Variants in ABL2 observed in about 807,000 individuals in gnomAD.
ABL2 encodes the protein ABL proto-oncogene 2, non-receptor tyrosine kinase, also known as tyrosine-protein kinase ABL2.
Under a neutral mutation model 107.7 loss-of-function variants are expected in ABL2, and 49 were observed. The observed-to-expected ratio is 0.45, with a 90% CI of 0.36 to 0.58. The LOEUF (loss-of-function observed/expected upper bound fraction) is 0.58, where lower values mean the gene tolerates loss of function less well. Among genes scored for constraint, ABL2 ranks in the 20% least tolerant of loss-of-function variants. The probability of loss-of-function intolerance (pLI) is 0.00; values close to 1 mark genes in which losing one functional copy is unlikely to be tolerated. For missense variants in ABL2, 1,245 were observed against 1,457.0 expected (o/e 0.85, Z 2.37); for synonymous variants, 549 against 548.6 (o/e 1.00, Z -0.01).
In ABL2 at chr1:179,099,873, T is replaced by C. The variant is rs1652960112; in HGVS notation, c.*7845A>G. 1 of 232,488 alleles carries C rather than the reference T, an allele frequency of 4.3e-6. No individual in the cohort carries two copies. Among genetic ancestry groups the C allele is most frequent in the South Asian group, 1.8e-4 (1 of 5,526 alleles). 14.4% of individuals were successfully genotyped at this position (232,488 alleles called of 1,614,324 possible). A position where few individuals can be genotyped will look rare whatever the true frequency, so the allele number is the denominator to read the frequency against. ...GAAAAGTGCAGGGTCTGGGAGGAGA[T>C]GGAGGTTCTGAGTATACATCAACAG... On this transcript the variant is annotated 3_prime_UTR_variant, in exon 12 of 12. Coordinates refer to ENST00000502732, the MANE Select transcript of ABL2 (RefSeq NM_007314.4).
At chr1:179,171,379 G>GCTAGAA (rs1209103656) in intron 1 of ABL2, among the ~76,000 whole-genome samples, 1 of 152,096 alleles carries the variant, frequency 6.6e-6, no homozygotes, top group Non-Finnish European at 1.5e-5. Flanking sequence ...TAGAGATTTC[G>GCTAGAA]CTAGAACAAG....
chr1:179,128,446 T>C (rs564602465), intron 3 of ABL2, among the ~76,000 whole-genome samples: 1 of 152,286 alleles, frequency 6.6e-6, no homozygotes, highest in African/African-American at 2.4e-5. Flanking sequence ...TAGTACTTTG[T>C]ATATATATCT....
chr1:179,145,790 CA>C (rs1657943591), intron 1 of ABL2, among the ~76,000 whole-genome samples: 2 of 152,032 alleles, frequency 1.3e-5, no homozygotes, highest in Admixed American at 6.5e-5. Context: ...GTAAGGTAGA[CA>C]GGGGCTGGCC....
intron 2 of ABL2, among the ~76,000 whole-genome samples, chr1:179,132,220 T>C (rs1429003603): frequency 6.6e-6 from 1 of 152,202 alleles, no homozygotes; most frequent in Non-Finnish European, 1.5e-5. Context: ...CTAGAAAACA[T>C]TACTATCATC....
rs3046363 is a variant in ABL2 at position 179,229,632 on chromosome 1, A to ACGCCGCCGC, written c.-244_-236dup. On this transcript the variant is annotated 5_prime_UTR_variant, in exon 1 of 12. Transcript: ENST00000502732. The stretch of plus-strand genomic sequence containing the variant: ...CTCCTGTCGCGGCTCCGCGCCCCCA[A>ACGCCGCCGC]CGCCGCCGCCGCCGCCGCCGCCACC... 0.024 allele frequency: 10,832 copies of ACGCCGCCGC among 451,404 alleles called. 190 individuals are homozygous for ACGCCGCCGC. Among genetic ancestry groups the ACGCCGCCGC allele is most frequent in the Middle Eastern group, 0.046 (78 of 1,710 alleles). The allele number at this position is 451,404 out of a possible 1,614,324, so 28.0% of individuals were successfully genotyped here.
Position 179,229,631 on chromosome 1 carries a change from A to AACGCCG in ABL2, c.-240_-235dup, listed in dbSNP as rs1663444884. On this transcript the variant is annotated 5_prime_UTR_variant, in exon 1 of 12. Transcript: ENST00000502732. ...CCTCCTGTCGCGGCTCCGCGCCCCCAACGCCGCCGCCGCCGCCGCCGCCAC... is the reference window on the plus strand; with the variant it reads ...CCTCCTGTCGCGGCTCCGCGCCCCCAACGCCGACGCCGCCGCCGCCGCCGCCGCCAC... 1 of 393,910 alleles carries AACGCCG rather than the reference A, an allele frequency of 2.5e-6. No individual in the cohort carries two copies. The highest frequency in any genetic ancestry group is 4.3e-6 in the Non-Finnish European group (1 of 231,456). 24.4% of individuals were successfully genotyped at this position (393,910 alleles called of 1,614,324 possible). A position where few individuals can be genotyped will look rare whatever the true frequency, so the allele number is the denominator to read the frequency against.
intron 1 of ABL2, among the ~76,000 whole-genome samples, chr1:179,197,029 T>C (rs1419629408): frequency 1.3e-5 from 2 of 152,146 alleles, no homozygotes; most frequent in East Asian, 3.9e-4. Flanking sequence ...AAATTGAATA[T>C]ATCAAACAGA....
intron 1 of ABL2, among the ~76,000 whole-genome samples, chr1:179,177,769 T>G (rs1475309794): frequency 6.6e-6 from 1 of 152,190 alleles, no homozygotes; most frequent in East Asian, 1.9e-4. Flanking sequence ...AGTATAAAAG[T>G]AGCTTTTTGG....
At chr1:179,215,595 C>A (rs1201086029) in intron 1 of ABL2, among the ~76,000 whole-genome samples, 1 of 151,748 alleles carries the variant, frequency 6.6e-6, no homozygotes, top group Non-Finnish European at 1.5e-5. Context: ...GGCGTGGTGG[C>A]ACATGCCTGT....
chr1:179,160,699 T>C (rs1287638586), intron 1 of ABL2, among the ~76,000 whole-genome samples: 3 of 152,196 alleles, frequency 2.0e-5, no homozygotes, highest in African/African-American at 7.2e-5. Flanking sequence ...AAACATTATG[T>C]ACCATATATG....
At chr1:179,162,301 A>C (rs1659112267) in intron 1 of ABL2, among the ~76,000 whole-genome samples, 1 of 152,172 alleles carries the variant, frequency 6.6e-6, no homozygotes, top group Admixed American at 6.6e-5. Flanking sequence ...AACCATCCAA[A>C]AGATAGCTAG....
rs1653815955 is a variant in ABL2 at position 179,109,328 on chromosome 1, C to G, written c.1939G>C (p.Asp647His). 1.2e-6 allele frequency: 2 copies of G among 1,614,090 alleles called. No homozygotes were observed. ...GAGCTGAAGAAGCCCCCCTTCCTAT[C>G]CCTGGTGAAGCATGTCTCTTTGGCA... ...EDAKETCFTR[D>H]RKGGFFSSFM... The change falls in exon 12 of 12, where the codon GAT (aspartate) becomes CAT (histidine). Residue 647 changes from aspartate to histidine, a missense_variant. Physicochemically the swap from Asp to His is moderately conservative, Grantham distance 81. This residue lies in a region of ABL2 where 761 missense variants were observed against 766.4 expected (regional missense o/e 0.99). Transcript: ENST00000502732.
At chr1:179,155,301 C>G (rs183617546) in intron 1 of ABL2, among the ~76,000 whole-genome samples, 1 of 152,168 alleles carries the variant, frequency 6.6e-6, no homozygotes, top group African/African-American at 2.4e-5. Context: ...CTAATCGGAA[C>G]GATATGCATG....
intron 3 of ABL2, 156 bp downstream of exon 3, chr1:179,131,155 G>T: frequency 1.7e-6 from 1 of 602,538 alleles, no homozygotes; most frequent in Non-Finnish European, 2.7e-6. Flanking sequence ...TGTTGGCCAG[G>T]TTGGTCTCAA....
intron 1 of ABL2, among the ~76,000 whole-genome samples, chr1:179,143,994 C>A (rs1313747242): frequency 6.6e-6 from 1 of 151,988 alleles, no homozygotes; most frequent in Non-Finnish European, 1.5e-5. Flanking sequence ...CCATGCCCAG[C>A]CTGAGTGTTA....
At chr1:179,184,162 G>T in intron 1 of ABL2, 1 of 414,996 alleles carries the variant, frequency 2.4e-6, no homozygotes, top group South Asian at 2.3e-5. Flanking sequence ...GCACTGCTTA[G>T]GGAGGAGGAC....
At chr1:179,207,085 G>A (rs950227600) in intron 1 of ABL2, among the ~76,000 whole-genome samples, 3 of 151,950 alleles carry the variant, frequency 2.0e-5, no homozygotes, top group Non-Finnish European at 4.4e-5. Flanking sequence ...ATGGAGTGTC[G>A]TGATCCCCAG....
chr1:179,143,081 T>C (rs188571941), intron 1 of ABL2: 1 of 1,606,938 alleles, frequency 6.2e-7, no homozygotes, highest in African/African-American at 1.3e-5. Flanking sequence ...AACTGTTCTG[T>C]GTAAAGAGGA....
At chr1:179,199,738 T>A (rs1157785941) in intron 1 of ABL2, among the ~76,000 whole-genome samples, 9 of 137,480 alleles carry the variant, frequency 6.5e-5, no homozygotes, top group Non-Finnish European at 1.0e-4. Context: ...TTCCTTTTTT[T>A]TTTTTTTTTT....
Sources: gnomAD v4.1 joint callset for allele counts (sites outside exome capture counted in the v4.1 genomes callset) on GRCh38, gnomAD v4.1.1 for gene constraint, gnomAD v4.1.1 regional missense constraint, MANE v1.5 for transcripts, NCBI Gene and HGNC (gene_info 2026-07-23, HGNC 2026-07-21) for gene names.